The following SEMA3E variants were observed in gnomAD, a reference collection of about 807,000 sequenced individuals.
SEMA3E encodes the protein semaphorin-3E.
Under a neutral mutation model 93.6 loss-of-function variants are expected in SEMA3E, and 49 were observed. The ratio of observed to expected loss-of-function variants is 0.52; its 90% confidence interval spans 0.42 to 0.66. The LOEUF (loss-of-function observed/expected upper bound fraction) is 0.66, where lower values mean the gene tolerates loss of function less well. SEMA3E is among the 30% of genes least tolerant of loss of function. The pLI is 0.00. For synonymous variants in SEMA3E, 363 were observed against 330.7 expected, an observed-to-expected ratio of 1.10 and a Z score of -1.06; for missense variants, 906 against 964.8, an observed-to-expected ratio of 0.94 and a Z score of 0.81.
intron 1 of SEMA3E, among the ~76,000 whole-genome samples, chr7:83,614,033 G>A (rs1483010895): frequency 6.6e-6 from 1 of 152,054 alleles, no homozygotes; most frequent in Admixed American, 6.6e-5. Flanking sequence ...AAATGGAAGT[G>A]AGAATTATTT....
intron 1 of SEMA3E, among the ~76,000 whole-genome samples, chr7:83,524,705 T>A (rs1393472012): frequency 1.3e-5 from 2 of 152,168 alleles, no homozygotes; most frequent in African/African-American, 4.8e-5. Context: ...GTTCTCTTTC[T>A]GTCTCTCTTT....
At chr7:83,411,040 A>C (rs1271775180) in intron 5 of SEMA3E, among the ~76,000 whole-genome samples, 1 of 152,008 alleles carries the variant, frequency 6.6e-6, no homozygotes, top group African/African-American at 2.4e-5. Context: ...TTGATAATTG[A>C]AAATATTTTT....
intron 1 of SEMA3E, among the ~76,000 whole-genome samples, chr7:83,525,200 G>T (rs1370359093): frequency 1.3e-5 from 2 of 151,994 alleles, no homozygotes; most frequent in African/African-American, 4.8e-5. Context: ...TTGCCTCCTG[G>T]ATTTTAGAGT....
At chr7:83,396,873 G>A in intron 11 of SEMA3E, 144 bp from the exon 12 acceptor site, 1 of 617,284 alleles carries the variant, frequency 1.6e-6, no homozygotes, top group South Asian at 1.7e-5. Context: ...GAGGTCAGGA[G>A]TTCAAGACTA....
intron 1 of SEMA3E, among the ~76,000 whole-genome samples, chr7:83,565,941 C>G (rs1262890826): frequency 2.6e-5 from 4 of 150,948 alleles, no homozygotes; most frequent in Non-Finnish European, 4.4e-5. Flanking sequence ...TTTTACAACA[C>G]ATATAAAAAT....
chr7:83,450,679 C>T (rs939264601), intron 4 of SEMA3E, among the ~76,000 whole-genome samples: 2 of 151,270 alleles, frequency 1.3e-5, no homozygotes, highest in African/African-American at 4.9e-5. Flanking sequence ...TTGATGTGTT[C>T]AATTTTTGAA....
chr7:83,466,064 C>G (rs1789748796), intron 4 of SEMA3E, among the ~76,000 whole-genome samples: 1 of 152,086 alleles, frequency 6.6e-6, no homozygotes, highest in South Asian at 2.1e-4. Context: ...ATTACAGAAT[C>G]AAAAAGTCTT....
rs538459882 is a variant in SEMA3E, at chr7:83,488,346, A to C, written c.276+1768T>G. On this transcript the variant is annotated intron_variant, in intron 2 of 16. Coordinates refer to ENST00000643230, the MANE Select transcript of SEMA3E (RefSeq NM_012431.3). ...TGTGTCTCAGTGCAAGGGGTATAAA[A>C]AGAGAGATGCTAAGAGAAACAGGAG... Among the ~76,000 whole-genome samples, 3 of 152,240 alleles carry C rather than the reference A, an allele frequency of 2.0e-5. 1 individual carries two copies. The highest frequency in any genetic ancestry group is 2.0e-4 in the Admixed American group (3 of 15,272).
At chr7:83,403,005 T>C (rs1185599567) in intron 9 of SEMA3E, among the ~76,000 whole-genome samples, 1 of 152,006 alleles carries the variant, frequency 6.6e-6, no homozygotes, top group Non-Finnish European at 1.5e-5. Context: ...GATGACATTG[T>C]TACAATGACA....
At chr7:83,479,589 C>T (rs1339996575) in intron 2 of SEMA3E, among the ~76,000 whole-genome samples, 1 of 152,178 alleles carries the variant, frequency 6.6e-6, no homozygotes, top group Non-Finnish European at 1.5e-5. Flanking sequence ...GCGGTGCTTA[C>T]TATGTTCCAG....
intron 10 of SEMA3E, among the ~76,000 whole-genome samples, chr7:83,400,882 T>C (rs1160828275): frequency 6.6e-6 from 1 of 152,144 alleles, no homozygotes; most frequent in East Asian, 1.9e-4. Context: ...TTCGTTGTGT[T>C]GAAACTTCTA....
chr7:83,639,788 A>G (rs1026702226), intron 1 of SEMA3E, among the ~76,000 whole-genome samples: 4 of 151,574 alleles, frequency 2.6e-5, no homozygotes, highest in Non-Finnish European at 5.9e-5. Context: ...AATATACTGT[A>G]GATTCAAAAA....
chr7:83,405,780 T>C (rs1333645722), intron 8 of SEMA3E, among the ~76,000 whole-genome samples, 165 bp downstream of exon 8: 3 of 152,012 alleles, frequency 2.0e-5, no homozygotes, highest in South Asian at 4.1e-4. Flanking sequence ...TGCAATCCCT[T>C]TTCCCCCAGC....
chr7:83,441,759 AC>A (rs147336023), intron 4 of SEMA3E, among the ~76,000 whole-genome samples: 24,013 of 152,226 alleles, frequency 0.16, 2,542 homozygotes, highest in Middle Eastern at 0.29. Flanking sequence ...AGGTATGGAT[AC>A]ACACACATAT....
chr7:83,388,637 A>G (rs763281304), intron 14 of SEMA3E, among the ~76,000 whole-genome samples: 4 of 152,044 alleles, frequency 2.6e-5, no homozygotes, highest in African/African-American at 9.7e-5. Flanking sequence ...TGACAATGAG[A>G]TGCTTTAACC....
chr7:83,528,801 T>C (rs1328301217), intron 1 of SEMA3E, among the ~76,000 whole-genome samples: 1 of 152,096 alleles, frequency 6.6e-6, no homozygotes, highest in African/African-American at 2.4e-5. Context: ...GAGAATATTA[T>C]CAGAACAAAA....
At chr7:83,559,408 A>G (rs1791982157) in intron 1 of SEMA3E, among the ~76,000 whole-genome samples, 1 of 152,110 alleles carries the variant, frequency 6.6e-6, no homozygotes, top group East Asian at 1.9e-4. Flanking sequence ...ACAGGAGAAA[A>G]AATAGTAGTG....
intron 2 of SEMA3E, 111 bp from the exon 3 acceptor site, chr7:83,469,413 C>G: frequency 5.6e-6 from 3 of 536,422 alleles, no homozygotes; most frequent in South Asian, 4.7e-5. Context: ...TTTTTTTTTT[C>G]TGTTTTCTGA....
chr7:83,480,220 T>C (rs1790117433), intron 2 of SEMA3E, among the ~76,000 whole-genome samples: 1 of 152,114 alleles, frequency 6.6e-6, no homozygotes, highest in Admixed American at 6.6e-5. Flanking sequence ...GCAGGTAGAT[T>C]ACCTGAGGTC....
Sources: gnomAD v4.1 joint callset for allele counts (sites outside exome capture counted in the v4.1 genomes callset) on GRCh38, gnomAD v4.1.1 for gene constraint, MANE v1.5 for transcripts, NCBI Gene and HGNC (gene_info 2026-07-23, HGNC 2026-07-21) for gene names.